The following PRMT3 variants were observed in gnomAD, a reference collection of about 807,000 sequenced individuals.
PRMT3 encodes the protein protein arginine N-methyltransferase 3.
Under a neutral mutation model 71.9 loss-of-function variants are expected in PRMT3, and 62 were observed. The observed-to-expected ratio is 0.86, with a 90% CI of 0.70 to 1.07. The LOEUF (loss-of-function observed/expected upper bound fraction) is 1.07, where lower values mean the gene tolerates loss of function less well. Among genes scored for constraint, PRMT3 ranks in the 50% least tolerant of loss-of-function variants. The pLI is 0.00. For synonymous variants in PRMT3, 213 were observed against 220.4 expected, an observed-to-expected ratio of 0.97 and a Z score of 0.30; for missense variants, 663 against 643.0, an observed-to-expected ratio of 1.03 and a Z score of -0.34.
At chr11:20,452,717 A>C (rs1299740637) in intron 11 of PRMT3, among the ~76,000 whole-genome samples, 1 of 152,236 alleles carries the variant, frequency 6.6e-6, no homozygotes, top group Non-Finnish European at 1.5e-5. Flanking sequence ...GGATCCTAAT[A>C]AATTTGGAAG....
At chr11:20,416,808 A>G (rs749519384) in intron 9 of PRMT3, among the ~76,000 whole-genome samples, 2 of 152,152 alleles carry the variant, frequency 1.3e-5, no homozygotes, top group East Asian at 3.9e-4. Context: ...TCTATGCCCC[A>G]TACCTTCTTG....
At chr11:20,434,547 G>A (rs1301691219) in intron 10 of PRMT3, among the ~76,000 whole-genome samples, 5 of 151,912 alleles carry the variant, frequency 3.3e-5, no homozygotes, top group African/African-American at 1.2e-4. Context: ...TGAGTTGAAA[G>A]GAAGGGGTCT....
At chr11:20,487,944 G>A (rs538808088) in intron 13 of PRMT3, among the ~76,000 whole-genome samples, 11 of 152,102 alleles carry the variant, frequency 7.2e-5, no homozygotes, top group African/African-American at 2.7e-4. Flanking sequence ...ATTACATTGT[G>A]TTTTTCAATA....
At chr11:20,477,897 A>G (rs1490330902) in intron 13 of PRMT3, among the ~76,000 whole-genome samples, 1 of 148,956 alleles carries the variant, frequency 6.7e-6, no homozygotes, top group Non-Finnish European at 1.5e-5. Flanking sequence ...GAGAGGACCA[A>G]CTCTGCCTTT....
chr11:20,460,832 T>G (rs1184617584), intron 11 of PRMT3, among the ~76,000 whole-genome samples: 1 of 152,204 alleles, frequency 6.6e-6, no homozygotes, highest in Admixed American at 6.5e-5. Context: ...CTCAAAGTCC[T>G]CTGAGTTCTA....
At chr11:20,507,012 T>C (rs1351368112) in intron 15 of PRMT3, among the ~76,000 whole-genome samples, 1 of 152,210 alleles carries the variant, frequency 6.6e-6, no homozygotes, top group Non-Finnish European at 1.5e-5. Flanking sequence ...AGTGCATCAA[T>C]GGCCAATGGC....
At chr11:20,454,330 A>T (rs1464203376) in intron 11 of PRMT3, among the ~76,000 whole-genome samples, 1 of 152,226 alleles carries the variant, frequency 6.6e-6, no homozygotes, top group Non-Finnish European at 1.5e-5. Context: ...AGGAACTGAC[A>T]GCAACTTAAT....
intron 7 of PRMT3, among the ~76,000 whole-genome samples, chr11:20,401,769 T>C (rs1848954031): frequency 6.6e-6 from 1 of 152,234 alleles, no homozygotes; most frequent in African/African-American, 2.4e-5. Flanking sequence ...ACCTAGGGAA[T>C]CAACTCTGTT....
At position 20,493,749 on chromosome 11, in the gene PRMT3, A is replaced by G. The variant is rs188206636; in HGVS notation, c.1348-170A>G. Among the ~76,000 whole-genome samples, 177 of 152,238 alleles carry G rather than the reference A, an allele frequency of 1.2e-3. 1 individual carries two copies. Among genetic ancestry groups the G allele is most frequent in the Non-Finnish European group, 2.0e-3 (133 of 68,016 alleles). On this transcript the variant is annotated intron_variant, in intron 13 of 15. Coordinates refer to ENST00000331079, the MANE Select transcript of PRMT3 (RefSeq NM_005788.4). ...TGTTTCTGTGAGGAAAAGCCAAATTACATTACTTCGTTTTTACTTACAACA... is the reference window on the plus strand; with the variant it reads ...TGTTTCTGTGAGGAAAAGCCAAATTGCATTACTTCGTTTTTACTTACAACA...
chr11:20,474,116 G>A (rs901159389), intron 13 of PRMT3, among the ~76,000 whole-genome samples: 10 of 152,166 alleles, frequency 6.6e-5, no homozygotes, highest in African/African-American at 2.4e-4. Flanking sequence ...GCACCCGTAC[G>A]AGGTGGCTAG....
intron 13 of PRMT3, among the ~76,000 whole-genome samples, chr11:20,474,396 AT>A (rs1188252580): frequency 1.3e-5 from 2 of 152,186 alleles, no homozygotes; most frequent in Non-Finnish European, 2.9e-5. Context: ...GGCCCACAGA[AT>A]TACACTACTT....
chr11:20,494,004 A>G (rs1851274204), intron 14 of PRMT3, 35 bp downstream of exon 14: 1 of 1,505,374 alleles, frequency 6.6e-7, no homozygotes, highest in Non-Finnish European at 9.2e-7. Context: ...AGAATTAATT[A>G]TTACAGAAGT....
intron 13 of PRMT3, among the ~76,000 whole-genome samples, chr11:20,485,072 T>C (rs927119532): frequency 6.6e-6 from 1 of 152,176 alleles, no homozygotes; most frequent in South Asian, 2.1e-4. Flanking sequence ...GACTTTGCAT[T>C]GGGACTGTAA....
At chr11:20,390,787 G>C (rs1034473684) in intron 3 of PRMT3, among the ~76,000 whole-genome samples, 2 of 152,168 alleles carry the variant, frequency 1.3e-5, no homozygotes, top group African/African-American at 4.8e-5. Context: ...AGACCATCCT[G>C]GCTAACCCAG....
At chr11:20,404,211 GTTTTTTTTTTTTTTTTTTTTTTTTTT>G (rs71063629) in intron 8 of PRMT3, among the ~76,000 whole-genome samples, 1 of 34,338 alleles carries the variant, frequency 2.9e-5, no homozygotes, top group Admixed American at 4.2e-4. Context: ...ACTTTTCATA[GTTTTTTTTTTTTTTTTTTTTTTTTTT>G]TTTTTTTTTT....
At chr11:20,390,819 G>A (rs1240685487) in intron 3 of PRMT3, among the ~76,000 whole-genome samples, 1 of 152,142 alleles carries the variant, frequency 6.6e-6, no homozygotes, top group Non-Finnish European at 1.5e-5. Flanking sequence ...GGGAGGCCAA[G>A]GCGGATGGAT....
At position 20,437,978 on chromosome 11, in the gene PRMT3, A is replaced by G. The variant is rs371595659; in HGVS notation, c.993+11113A>G. Among the ~76,000 whole-genome samples, 8 of 152,160 alleles carry G rather than the reference A, an allele frequency of 5.3e-5. No individual in the cohort carries two copies. In the East Asian group the frequency reaches 5.8e-4, roughly 11 times the overall value. On this transcript the variant is annotated intron_variant, in intron 10 of 15. Transcript: ENST00000331079. ...TTCCTACAATAGGAAGACTTAGCTG[A>G]CCCTGCTGTTAGGTCTGACATGGTC...
intron 13 of PRMT3, among the ~76,000 whole-genome samples, chr11:20,485,124 A>G (rs765940042): frequency 6.6e-6 from 1 of 152,084 alleles, no homozygotes; most frequent in Non-Finnish European, 1.5e-5. Flanking sequence ...GTAAATGAAC[A>G]CTTGCATGGA....
chr11:20,447,687 C>T (rs946908449), intron 10 of PRMT3, among the ~76,000 whole-genome samples: 63 of 152,088 alleles, frequency 4.1e-4, no homozygotes, highest in African/African-American at 1.3e-3. Context: ...ATTCTTTTTA[C>T]GTAACACTTT....
Sources: gnomAD v4.1 joint callset for allele counts (sites outside exome capture counted in the v4.1 genomes callset) on GRCh38, gnomAD v4.1.1 for gene constraint, MANE v1.5 for transcripts, NCBI Gene and HGNC (gene_info 2026-07-23, HGNC 2026-07-21) for gene names.